SAMD12: variants seen among roughly 807,000 people sequenced by gnomAD.
The protein encoded by SAMD12 is sterile alpha motif domain-containing protein 12.
A neutral mutation model predicts 15.0 loss-of-function variants in SAMD12; 9 were observed. That is an observed-to-expected ratio of 0.60 (90% CI 0.36 to 1.05). SAMD12 has a LOEUF of 1.05. Ranked by LOEUF, SAMD12 falls within the 50% of genes least tolerant of loss-of-function variation. SAMD12 has a pLI of 0.01. For missense variants in SAMD12, 230 were observed against 234.2 expected (o/e 0.98, Z 0.12); for synonymous variants, 86 against 90.1 (o/e 0.96, Z 0.25).
intron 2 of SAMD12, among the ~76,000 whole-genome samples, chr8:118,452,626 T>G (rs558175204): frequency 1.3e-5 from 2 of 152,342 alleles, no homozygotes; most frequent in South Asian, 4.1e-4. Flanking sequence ...TTAAGCAATT[T>G]TTACACCTTT....
intron 2 of SAMD12, among the ~76,000 whole-genome samples, chr8:118,530,611 T>C (rs552694832): frequency 2.6e-5 from 4 of 152,346 alleles, no homozygotes; most frequent in Non-Finnish European, 4.4e-5. Flanking sequence ...TTCTTTGTCA[T>C]ATGCATACTT....
the SAMD12 span, among the ~76,000 whole-genome samples, chr8:118,179,059 C>A: frequency 6.6e-6 from 1 of 152,174 alleles, no homozygotes; most frequent in African/African-American, 2.4e-5. Context: ...GGACTCCCTC[C>A]TCCCATGGCT....
At chr8:118,314,524 A>G (rs1815784519) in intron 4 of SAMD12, among the ~76,000 whole-genome samples, 1 of 152,158 alleles carries the variant, frequency 6.6e-6, no homozygotes, top group Admixed American at 6.5e-5. Flanking sequence ...CTTGTGCTAT[A>G]CTTTCATAGC....
Position 118,479,423 on chromosome 8 carries a change from G to A in SAMD12, c.193-39462C>T, listed in dbSNP as rs146917890. On this transcript the variant is annotated intron_variant, in intron 2 of 3. Transcript: ENST00000314727. Reference sequence around the variant, plus strand: ...TGAAAGGCACCTCTTACATGGCAGCGGCAAGAAAGAATGAGAAGTGAAAGC... The same window carrying A: ...TGAAAGGCACCTCTTACATGGCAGCAGCAAGAAAGAATGAGAAGTGAAAGC... Among the ~76,000 whole-genome samples, 780 of 152,276 alleles carry A rather than the reference G, an allele frequency of 5.1e-3. 11 individuals are homozygous for A. The highest frequency in any genetic ancestry group is 0.017 in the African/African-American group (693 of 41,546).
chr8:118,336,060 G>A (rs1817041982), intron 4 of SAMD12, among the ~76,000 whole-genome samples: 1 of 152,164 alleles, frequency 6.6e-6, no homozygotes, highest in Non-Finnish European at 1.5e-5. Flanking sequence ...ACCTCATGAT[G>A]TAAGGAGATG....
chr8:118,501,745 G>A (rs992296705), intron 2 of SAMD12, among the ~76,000 whole-genome samples: 2 of 152,184 alleles, frequency 1.3e-5, no homozygotes, highest in East Asian at 1.9e-4. Context: ...GGCCGGGCGC[G>A]GTGGCTCATG....
intron 4 of SAMD12, among the ~76,000 whole-genome samples, chr8:118,272,472 T>A (rs913051403): frequency 6.6e-6 from 1 of 152,192 alleles, no homozygotes; most frequent in African/African-American, 2.4e-5. Context: ...ATATTACCCA[T>A]TGTCTGGGTG....
At chr8:118,153,479 A>T in the SAMD12 span, among the ~76,000 whole-genome samples, 1 of 152,348 alleles carries the variant, frequency 6.6e-6, no homozygotes, top group South Asian at 2.1e-4. Flanking sequence ...GAGGGGTAAA[A>T]AAAATGGGGC....
intron 3 of SAMD12, among the ~76,000 whole-genome samples, chr8:118,412,519 G>A (rs1422419225): frequency 6.6e-6 from 1 of 152,178 alleles, no homozygotes; most frequent in Non-Finnish European, 1.5e-5. Flanking sequence ...AGTGGTGTCT[G>A]TGTCCTTTCT....
intron 1 of SAMD12, among the ~76,000 whole-genome samples, chr8:118,603,853 T>C (rs1827924263): frequency 6.6e-6 from 1 of 152,130 alleles, no homozygotes; most frequent in Non-Finnish European, 1.5e-5. Flanking sequence ...TATGAATATA[T>C]TGGAAGGAAA....
intron 3 of SAMD12, among the ~76,000 whole-genome samples, chr8:118,389,721 GA>G (rs968558381): frequency 1.5e-3 from 206 of 135,912 alleles, no homozygotes; most frequent in African/African-American, 3.1e-3. Flanking sequence ...TTTCAAAAAA[GA>G]AAAAAAAAAA....
intron 2 of SAMD12, among the ~76,000 whole-genome samples, chr8:118,534,242 C>A (rs1044365935): frequency 1.1e-4 from 17 of 152,108 alleles, no homozygotes; most frequent in African/African-American, 3.4e-4. Flanking sequence ...GTTGCAAATT[C>A]TTTTCTTTAA....
the SAMD12 span, among the ~76,000 whole-genome samples, chr8:118,163,874 C>CAAAACA: frequency 6.7e-6 from 1 of 149,160 alleles, no homozygotes; most frequent in South Asian, 2.2e-4. Context: ...GACTCCGTCT[C>CAAAACA]AAACAAAACA....
chr8:118,543,152 G>A (rs139074703), intron 2 of SAMD12, among the ~76,000 whole-genome samples: 1,997 of 152,272 alleles, frequency 0.013, 40 homozygotes, highest in African/African-American at 0.044. Flanking sequence ...GGAGGAAATC[G>A]ACCCTTGAAA....
intron 3 of SAMD12, among the ~76,000 whole-genome samples, chr8:118,423,176 C>T (rs1196374826): frequency 3.9e-5 from 6 of 152,094 alleles, no homozygotes; most frequent in Admixed American, 3.9e-4. Context: ...TTGAATGATA[C>T]CCAAGAGAGG....
At chr8:118,479,988 G>A (rs146246616) in intron 2 of SAMD12, among the ~76,000 whole-genome samples, 2 of 152,210 alleles carry the variant, frequency 1.3e-5, no homozygotes, top group African/African-American at 4.8e-5. Context: ...GATTCAATAG[G>A]CAAGATCTTT....
At chr8:118,487,056 T>C (rs1207342440) in intron 2 of SAMD12, among the ~76,000 whole-genome samples, 1 of 152,122 alleles carries the variant, frequency 6.6e-6, no homozygotes, top group African/African-American at 2.4e-5. Context: ...GACATGGTCT[T>C]ACCAGGGTCC....
At chr8:118,152,470 T>A in the SAMD12 span, among the ~76,000 whole-genome samples, 274 of 147,306 alleles carry the variant, frequency 1.9e-3, 3 homozygotes, top group East Asian at 3.6e-3. Context: ...CTTCCTTCCT[T>A]CCTTCCTTCC....
At chr8:118,260,416 A>G (rs1813050270) in intron 4 of SAMD12, among the ~76,000 whole-genome samples, 1 of 152,104 alleles carries the variant, frequency 6.6e-6, no homozygotes, top group African/African-American at 2.4e-5. Flanking sequence ...AAATATCAGT[A>G]TGTTAATTAC....
Sources: gnomAD v4.1 joint callset for allele counts (sites outside exome capture counted in the v4.1 genomes callset) on GRCh38, gnomAD v4.1.1 for gene constraint, MANE v1.5 for transcripts, NCBI Gene and HGNC (gene_info 2026-07-23, HGNC 2026-07-21) for gene names.